Variants in MMP26 observed in about 807,000 individuals in gnomAD.
MMP26 encodes matrix metalloproteinase-26.
In MMP26, 33 loss-of-function variants were observed where a neutral mutation model predicts 31.0. The ratio of observed to expected loss-of-function variants is 1.06; its 90% confidence interval spans 0.81 to 1.42. The LOEUF (loss-of-function observed/expected upper bound fraction) is 1.42, where lower values mean the gene tolerates loss of function less well. Among genes scored for constraint, MMP26 ranks in the 40% most tolerant of loss-of-function variants. The pLI is 0.00. For missense variants in MMP26, 347 were observed against 316.1 expected (o/e 1.10, Z -0.74); for synonymous variants, 122 against 114.9 (o/e 1.06, Z -0.40).
chr11:4,879,101 G>T (rs1419166776), intron 2 of MMP26, among the ~76,000 whole-genome samples: 1 of 152,032 alleles, frequency 6.6e-6, no homozygotes, highest in African/African-American at 2.4e-5. Context: ...AGGCATGGTG[G>T]CAGGCACTTG....
rs1186638310 is a variant in MMP26 at position 4,769,150 on chromosome 11, G to A, written c.-145+1809G>A. On this transcript the variant is annotated intron_variant, in intron 2 of 7. Coordinates refer to ENST00000380390, the MANE Select transcript of MMP26 (RefSeq NM_021801.5). ...GATACACCAAGGACAGGCTCAGCAT[G>A]TGGATGTAGAAGAAAGCAACTGCTC... is the stretch of plus-strand genomic sequence containing the variant. 2.5e-6 allele frequency: 4 copies of A among 1,613,412 alleles called. No homozygotes were observed. The Admixed American group carries it at 5.0e-5, about 20-fold the overall frequency.
chr11:4,833,585 A>G lies in MMP26; in HGVS notation c.-145+66244A>G, dbSNP rs997803231. On this transcript the variant is annotated intron_variant, in intron 2 of 7. Transcript: ENST00000380390. ...CTGACTGACAGCAACAGCATTACCT[A>G]GAAAGTTGTTAAAATTGCTGCAGAA... Among the ~76,000 whole-genome samples, 7 of 152,208 alleles carry G rather than the reference A, an allele frequency of 4.6e-5. No individual in the cohort carries two copies. The South Asian group carries it at 8.3e-4, about 18-fold the overall frequency.
intron 2 of MMP26, among the ~76,000 whole-genome samples, chr11:4,925,703 G>A (rs1374930601): frequency 1.3e-5 from 2 of 148,678 alleles, no homozygotes; most frequent in Non-Finnish European, 3.0e-5. Context: ...AGAGAATGGA[G>A]AATCAGAGAA....
At position 4,723,598 on chromosome 11, in the gene MMP26, A is replaced by T. The variant is rs1294421507; in HGVS notation, c.-217+18553A>T. On this transcript the variant is annotated intron_variant, in intron 1 of 7. Coordinates refer to ENST00000380390, the MANE Select transcript of MMP26 (RefSeq NM_021801.5). ...GTTAGCTTCATCCACATCCTTCTTG[A>T]TGAGGACAAATTCATTCTCCAGCTC... The T allele has an allele frequency of 6.2e-6, 6 of 971,672 alleles. No individual in the cohort carries two copies. In the East Asian group the frequency reaches 1.2e-4, roughly 19 times the overall value. The allele number at this position is 971,672 out of a possible 1,614,324, so 60.2% of individuals were successfully genotyped here.
rs757679480 is a variant in MMP26, at chr11:4,988,259, C to T, written c.48C>T (p.Phe16=). The T allele has an allele frequency of 1.9e-5, 31 of 1,614,054 alleles. No homozygotes were observed. The highest frequency in any genetic ancestry group is 4.5e-5 in the East Asian group (2 of 44,864). Residue 16 remains phenylalanine, a synonymous_variant, in exon 3 of 8, where the codon TTC becomes TTT. Coordinates refer to ENST00000380390, the MANE Select transcript of MMP26 (RefSeq NM_021801.5). The part of the protein sequence containing the change: ...LRVTIFLPWC[F]AVPVPPAADH... ...TTACTATCTTCTTGCCCTGGTGTTT[C>T]GCCGTTCCAGTGCCCCCTGCTGCAG...
chr11:4,946,163 A>C, intron 2 of MMP26: 1 of 1,613,632 alleles, frequency 6.2e-7, no homozygotes, highest in Non-Finnish European at 8.5e-7. Context: ...TGACTGTTAA[A>C]TCTTCCGTTG....
intron 2 of MMP26, among the ~76,000 whole-genome samples, chr11:4,872,658 A>G (rs1434629139): frequency 2.0e-5 from 3 of 152,064 alleles, no homozygotes; most frequent in Admixed American, 2.0e-4. Flanking sequence ...TAGTATGCTC[A>G]TGCCTGTTCC....
At chr11:4,829,199 G>A (rs899838332) in intron 2 of MMP26, among the ~76,000 whole-genome samples, 2 of 152,126 alleles carry the variant, frequency 1.3e-5, no homozygotes, top group Admixed American at 1.3e-4. Flanking sequence ...CTTTATCAGA[G>A]CTCTGCATAT....
chr11:4,915,983 G>A (rs902309100), intron 2 of MMP26, among the ~76,000 whole-genome samples: 7 of 152,120 alleles, frequency 4.6e-5, no homozygotes, highest in African/African-American at 1.4e-4. Context: ...TATCAACCAG[G>A]TCTTCTTAGC....
At chr11:4,916,402 G>A (rs1359429544) in intron 2 of MMP26, among the ~76,000 whole-genome samples, 10 of 150,546 alleles carry the variant, frequency 6.6e-5, no homozygotes, top group Non-Finnish European at 1.0e-4. Context: ...TCTTTTACTG[G>A]AAAAAAAAAG....
At chr11:4,887,802 T>C (rs1850564390) in intron 2 of MMP26, among the ~76,000 whole-genome samples, 1 of 152,106 alleles carries the variant, frequency 6.6e-6, no homozygotes, top group Non-Finnish European at 1.5e-5. Flanking sequence ...TTAATGCAAT[T>C]CCTCTGAGGA....
At chr11:4,848,338 G>A (rs1354748541) in intron 2 of MMP26, 1 of 1,614,128 alleles carries the variant, frequency 6.2e-7, no homozygotes, top group South Asian at 1.1e-5. Flanking sequence ...ATCAATGGAG[G>A]AAGAAGGAAA....
chr11:4,776,144 A>G (rs1848788424), intron 2 of MMP26, among the ~76,000 whole-genome samples: 1 of 152,000 alleles, frequency 6.6e-6, no homozygotes, highest in Non-Finnish European at 1.5e-5. Context: ...TTTTGTGACC[A>G]AGTAGTATTC....
chr11:4,897,065 C>T (rs908758707), intron 2 of MMP26, among the ~76,000 whole-genome samples: 6 of 152,092 alleles, frequency 3.9e-5, no homozygotes, highest in South Asian at 2.1e-4. Flanking sequence ...TATCCCTTTA[C>T]TCATGACCTA....
In MMP26 at chr11:4,764,114, G is replaced by T. The variant is rs1344657789; in HGVS notation, c.-216-3156G>T. ...TCTGTCTCTGTTGACCTGCAGGAAA[G>T]ATGTGGCAGGTTAATAAATTTGTTT... On this transcript the variant is annotated intron_variant, in intron 1 of 7. Coordinates refer to ENST00000380390, the MANE Select transcript of MMP26 (RefSeq NM_021801.5). 5.3e-5 allele frequency among the ~76,000 whole-genome samples: 8 copies of T among 152,154 alleles called. 1 individual carries two copies. Among genetic ancestry groups the T allele is most frequent in the Admixed American group, 5.2e-4 (8 of 15,280 alleles).
intron 1 of MMP26, among the ~76,000 whole-genome samples, chr11:4,743,158 G>A (rs1208111976): frequency 1.3e-5 from 2 of 152,084 alleles, no homozygotes; most frequent in Admixed American, 6.6e-5. Context: ...AAGTGTTTAT[G>A]TGATTTTCTT....
intron 2 of MMP26, among the ~76,000 whole-genome samples, chr11:4,850,958 C>T (rs1010447465): frequency 5.3e-5 from 8 of 151,182 alleles, no homozygotes; most frequent in Non-Finnish European, 1.0e-4. Flanking sequence ...AAGATAAATG[C>T]AACAAAACCC....
At chr11:4,724,171 A>G (rs1396948430) in intron 1 of MMP26, 4 of 553,754 alleles carry the variant, frequency 7.2e-6, no homozygotes, top group Non-Finnish European at 1.3e-5. Context: ...CCTGATGGAC[A>G]TGGTAGAGGC....
At chr11:4,944,159 C>A (rs373342390) in intron 2 of MMP26, 5 of 451,704 alleles carry the variant, frequency 1.1e-5, no homozygotes, top group African/African-American at 8.0e-5. Flanking sequence ...AACATAGGAA[C>A]AGTTCTTGCC....
Sources: allele counts gnomAD v4.1 joint callset (sites outside exome capture counted in the v4.1 genomes callset), GRCh38; gene constraint gnomAD v4.1.1; transcripts MANE v1.5; gene names NCBI Gene and HGNC (gene_info 2026-07-23, HGNC 2026-07-21).